The following RNF144B variants were observed in gnomAD, a reference collection of about 807,000 sequenced individuals.
RNF144B encodes the protein E3 ubiquitin-protein ligase RNF144B.
A neutral mutation model predicts 40.2 loss-of-function variants in RNF144B; 25 were observed. That is an observed-to-expected ratio of 0.62 (90% CI 0.45 to 0.87). The LOEUF is 0.87. RNF144B is among the 40% of genes least tolerant of loss of function. RNF144B has a pLI of 0.00. For missense variants in RNF144B, 365 were observed against 373.7 expected, an observed-to-expected ratio of 0.98 and a Z score of 0.19; for synonymous variants, 145 against 136.3, an observed-to-expected ratio of 1.06 and a Z score of -0.44.
chr6:18,413,720 C>T (rs979123531), intron 2 of RNF144B, among the ~76,000 whole-genome samples: 1 of 152,196 alleles, frequency 6.6e-6, no homozygotes, highest in African/African-American at 2.4e-5. Context: ...CTCAGTCTGA[C>T]GGTTGTTTCC....
chr6:18,443,207 T>G lies in RNF144B; in HGVS notation c.331+3463T>G, dbSNP rs1759004480. 6.6e-6 allele frequency among the ~76,000 whole-genome samples: 1 copy of G among 152,172 alleles called. No individual in the cohort carries two copies. The highest frequency in any genetic ancestry group is 1.5e-5 in the Non-Finnish European group (1 of 68,036). ...TGGCCTTTTGATTTAACCTCCTCAT[T>G]TTATGAAAAACGTAACAGGCCCAGA... On this transcript the variant is annotated intron_variant, in intron 4 of 7. Transcript: ENST00000259939. The surrounding 1 kb of genome is among the most constrained non-coding windows in gnomAD (Gnocchi z 4.7).
At position 18,464,868 on chromosome 6, in the gene RNF144B, A is replaced by G; in HGVS notation, c.772-59A>G. Reference sequence around the variant, plus strand: ...CACAGCAGATAACAGTATAGTTGGAATAAGTATACATATTGAAAGACTTAA... The same window carrying G: ...CACAGCAGATAACAGTATAGTTGGAGTAAGTATACATATTGAAAGACTTAA... On this transcript the variant is annotated intron_variant, in intron 7 of 7. Coordinates refer to ENST00000259939, the MANE Select transcript of RNF144B (RefSeq NM_182757.4). The surrounding 1 kb of genome is among the most constrained non-coding windows in gnomAD (Gnocchi z 6.1). 1 of 1,541,748 alleles carries G rather than the reference A, an allele frequency of 6.5e-7. No homozygotes were observed. Among genetic ancestry groups the G allele is most frequent in the Non-Finnish European group, 8.9e-7 (1 of 1,118,066 alleles).
At position 18,440,039 on chromosome 6, in the gene RNF144B, C is replaced by T. The variant is rs1484026235; in HGVS notation, c.331+295C>T. On this transcript the variant is annotated intron_variant, in intron 4 of 7. Coordinates refer to ENST00000259939, the MANE Select transcript of RNF144B (RefSeq NM_182757.4). ...AGATGGCTTTATAATCACAATAATA[C>T]AAAAGAAAGTGACCCTCGAAATGGG... Among the ~76,000 whole-genome samples the T allele has an allele frequency of 2.0e-5, 3 of 152,066 alleles. No homozygotes were observed. In the East Asian group the frequency reaches 5.8e-4, roughly 29 times the overall value.
chr6:18,428,071 G>A (rs1232288969), intron 3 of RNF144B, among the ~76,000 whole-genome samples: 7 of 152,230 alleles, frequency 4.6e-5, no homozygotes, highest in Middle Eastern at 3.4e-3. Flanking sequence ...TCATGGGGGC[G>A]GTTCCCCCAT....
At chr6:18,413,432 A>C (rs1795086187) in intron 2 of RNF144B, among the ~76,000 whole-genome samples, 1 of 151,162 alleles carries the variant, frequency 6.6e-6, no homozygotes, top group South Asian at 2.1e-4. Context: ...ATCAGAATAT[A>C]GTGGTGGCCA....
intron 2 of RNF144B, among the ~76,000 whole-genome samples, chr6:18,417,288 AC>A (rs1481944719): frequency 2.0e-5 from 3 of 152,188 alleles, no homozygotes; most frequent in Non-Finnish European, 4.4e-5. Context: ...TGGAAAAAGA[AC>A]AGAGTTGGAG....
At position 18,425,184 on chromosome 6, in the gene RNF144B, T is replaced by A. The variant is rs16880668; in HGVS notation, c.166-2397T>A. On this transcript the variant is annotated intron_variant, in intron 2 of 7. Transcript: ENST00000259939. The surrounding 1 kb of genome is among the most constrained non-coding windows in gnomAD (Gnocchi z 4.2). ...ATTTTCCCATTGTCACCTAGTAAAG[T>A]GGACCCTCCACCCAGGTGTTAGGAT... is the stretch of plus-strand genomic sequence containing the variant. Among the ~76,000 whole-genome samples the A allele has an allele frequency of 6.6e-6, 1 of 152,308 alleles. No homozygotes were observed. Among genetic ancestry groups the A allele is most frequent in the South Asian group, 2.1e-4 (1 of 4,828 alleles).
In RNF144B at chr6:18,447,784, CTGAA is replaced by C. The variant is rs1325332500; in HGVS notation, c.331+8044_331+8047del. ...AGAGGTCAGGTTTAAAGCTGTGACACTGAATGAGCGCATCTAAGAATTAAACATA... is the reference window on the plus strand; with the variant it reads ...AGAGGTCAGGTTTAAAGCTGTGACACTGAGCGCATCTAAGAATTAAACATA... On this transcript the variant is annotated intron_variant, in intron 4 of 7. Transcript: ENST00000259939. This position sits in a 1 kb window ranked among gnomAD's most constrained non-coding sequence, Gnocchi z 5.6. Among the ~76,000 whole-genome samples the C allele has an allele frequency of 1.3e-5, 2 of 152,158 alleles. No individual in the cohort carries two copies. The highest frequency in any genetic ancestry group is 6.5e-5 in the Admixed American group (1 of 15,270).
rs1759131225 is a variant in RNF144B, at chr6:18,448,369, C to T, written c.331+8625C>T. ...GGTTACGGACATGGATGCAGGCAGC[C>T]TAGTAGATTGGTCTGCATGGGTTCT... On this transcript the variant is annotated intron_variant, in intron 4 of 7. Coordinates refer to ENST00000259939, the MANE Select transcript of RNF144B (RefSeq NM_182757.4). The surrounding 1 kb of genome is among the most constrained non-coding windows in gnomAD (Gnocchi z 4.0). Among the ~76,000 whole-genome samples the T allele has an allele frequency of 6.6e-6, 1 of 151,894 alleles. No homozygotes were observed. The highest frequency in any genetic ancestry group is 6.6e-5 in the Admixed American group (1 of 15,232).
chr6:18,391,344 C>T (rs925185160), intron 1 of RNF144B, among the ~76,000 whole-genome samples: 6 of 152,080 alleles, frequency 3.9e-5, no homozygotes, highest in African/African-American at 1.4e-4. Flanking sequence ...GGCAGGGAAC[C>T]ACTGATTAAA....
At position 18,425,013 on chromosome 6, in the gene RNF144B, A is replaced by G. The variant is rs375024288; in HGVS notation, c.166-2568A>G. ...TATTCTGTAATTTGCAAATTCATGA[A>G]GGGCTTCCATATATAAATTTCACGT... On this transcript the variant is annotated intron_variant, in intron 2 of 7. Transcript: ENST00000259939. This position sits in a 1 kb window ranked among gnomAD's most constrained non-coding sequence, Gnocchi z 4.2. 3.9e-5 allele frequency among the ~76,000 whole-genome samples: 6 copies of G among 152,208 alleles called. No individual in the cohort carries two copies. In the East Asian group the frequency reaches 9.7e-4, roughly 25 times the overall value.
chr6:18,461,515 A>G (rs1759454926), intron 6 of RNF144B, among the ~76,000 whole-genome samples: 1 of 152,204 alleles, frequency 6.6e-6, no homozygotes, highest in South Asian at 2.1e-4. Context: ...AAGGGAACAA[A>G]TATGTGCACC....
At chr6:18,389,208 A>T (rs964986612) in intron 1 of RNF144B, among the ~76,000 whole-genome samples, 1 of 152,220 alleles carries the variant, frequency 6.6e-6, no homozygotes, top group African/African-American at 2.4e-5. Context: ...GAATGGTTTC[A>T]GTTCATTGGC....
At chr6:18,396,678 G>A (rs942141936) in intron 1 of RNF144B, 2 of 985,368 alleles carry the variant, frequency 2.0e-6, no homozygotes, top group South Asian at 4.7e-5. Context: ...AGAATAGATT[G>A]CATAAGCAGT....
At chr6:18,428,873 A>C (rs1332350329) in intron 3 of RNF144B, among the ~76,000 whole-genome samples, 1 of 152,160 alleles carries the variant, frequency 6.6e-6, no homozygotes, top group African/African-American at 2.4e-5. Flanking sequence ...TTGCTTTCTG[A>C]CTGCCATAAT....
rs775013781 is a variant in RNF144B, at chr6:18,465,358, G to C, written c.*291G>C. 22 of 327,582 alleles carry C rather than the reference G, an allele frequency of 6.7e-5. No individual in the cohort carries two copies. The highest frequency in any genetic ancestry group is 1.1e-4 in the Non-Finnish European group (20 of 179,928). 20.3% of individuals were successfully genotyped at this position (327,582 alleles called of 1,614,324 possible). On this transcript the variant is annotated 3_prime_UTR_variant, in exon 8 of 8. Transcript: ENST00000259939. ...ATCATCCAAAGGATCTCACTGGACT[G>C]TTCAACTTCCAGCCAAATTCAAGGA... is the stretch of plus-strand genomic sequence containing the variant.
At position 18,460,714 on chromosome 6, in the gene RNF144B, T is replaced by C. The variant is rs1008624543; in HGVS notation, c.681+963T>C. ...TCCCAGATCAAGGGGCTTGGCTTAA[T>C]TTTTTCTCACCATTCATGAATCAAG... On this transcript the variant is annotated intron_variant, in intron 6 of 7. Coordinates refer to ENST00000259939, the MANE Select transcript of RNF144B (RefSeq NM_182757.4). This position sits in a 1 kb window ranked among gnomAD's most constrained non-coding sequence, Gnocchi z 4.4. Among the ~76,000 whole-genome samples the C allele has an allele frequency of 6.6e-6, 1 of 152,164 alleles. No homozygotes were observed. The highest frequency in any genetic ancestry group is 2.4e-5 in the African/African-American group (1 of 41,426).
At chr6:18,462,415 G>T (rs956321467) in intron 6 of RNF144B, among the ~76,000 whole-genome samples, 6 of 151,954 alleles carry the variant, frequency 3.9e-5, no homozygotes, top group African/African-American at 1.2e-4. Flanking sequence ...TACCTTTCTG[G>T]TCATATCCCA....
rs1759183574 is a variant in RNF144B, at chr6:18,450,305, T to C, written c.332-6850T>C. ...AACTCTGATTTGTAGTGCTTGCCAGTTTTTTTTTTTTAGATGGAGTCTTGC... is the reference window on the plus strand; with the variant it reads ...AACTCTGATTTGTAGTGCTTGCCAGCTTTTTTTTTTTAGATGGAGTCTTGC... On this transcript the variant is annotated intron_variant, in intron 4 of 7. Transcript: ENST00000259939. This position sits in a 1 kb window ranked among gnomAD's most constrained non-coding sequence, Gnocchi z 4.7. 1.8e-5 allele frequency among the ~76,000 whole-genome samples: 2 copies of C among 110,338 alleles called. No individual in the cohort carries two copies. Among genetic ancestry groups the C allele is most frequent in the Admixed American group, 1.1e-4 (1 of 8,762 alleles). 72.4% of individuals were successfully genotyped at this position (110,338 alleles called of 152,430 possible).
Sources: gnomAD v4.1 joint callset for allele counts (sites outside exome capture counted in the v4.1 genomes callset) on GRCh38, gnomAD v4.1.1 for gene constraint, Gnocchi (gnomAD v3.1) non-coding constraint, MANE v1.5 for transcripts, NCBI Gene and HGNC (gene_info 2026-07-23, HGNC 2026-07-21) for gene names.